The following SUPT5H variants were observed in gnomAD, a reference collection of about 807,000 sequenced individuals.
The protein encoded by SUPT5H is SPT5 homolog, DSIF elongation factor subunit, also known as transcription elongation factor SPT5.
A neutral mutation model predicts 142.5 loss-of-function variants in SUPT5H; 24 were observed. The ratio of observed to expected loss-of-function variants is 0.17; its 90% confidence interval spans 0.12 to 0.24. SUPT5H has a LOEUF of 0.24. SUPT5H is among the 10% of genes least tolerant of loss of function. SUPT5H has a pLI of 1.00. For synonymous variants in SUPT5H, 546 were observed against 553.0 expected (o/e 0.99, Z 0.18); for missense variants, 893 against 1,471.8 (o/e 0.61, Z 6.43).
chr19:39,457,815 G>C (rs763774325), intron 4 of SUPT5H, 75 bp downstream of exon 4: 1 of 1,600,444 alleles, frequency 6.2e-7, no homozygotes, highest in Non-Finnish European at 8.5e-7. Context: ...CCATTCCCCC[G>C]ACCCCCGCAT....
intron 3 of SUPT5H, 66 bp from the exon 4 acceptor site, chr19:39,457,609 G>A (rs2079106731): frequency 6.3e-7 from 1 of 1,581,800 alleles, no homozygotes; most frequent in African/African-American, 1.3e-5. Flanking sequence ...CAGAGGAGAT[G>A]CTTCGTGTCC....
At position 39,473,500 on chromosome 19, in the gene SUPT5H, A is replaced by G; in HGVS notation, c.2471A>G (p.Asn824Ser). The change falls in exon 25 of 30, where the codon AAC (asparagine) becomes AGC (serine). Residue 824 changes from asparagine to serine, a missense_variant. Coordinates refer to ENST00000432763, the MANE Select transcript of SUPT5H (RefSeq NM_001111020.3). The surrounding 1 kb of genome is among the most constrained non-coding windows in gnomAD (Gnocchi z 5.8). ...GCCCAGAGTGGGGCCTGGGACCCCA[A>G]CAACCCCAACACGCCGTCACGGTGA... The part of the protein sequence containing the change: ...TPAQSGAWDP[N>S]NPNTPSRAEE... The G allele has an allele frequency of 6.2e-7, 1 of 1,611,602 alleles. No homozygotes were observed. Among genetic ancestry groups the G allele is most frequent in the Non-Finnish European group, 8.5e-7 (1 of 1,179,932 alleles).
At position 39,458,976 on chromosome 19, in the gene SUPT5H, T is replaced by A; in HGVS notation, c.390-29T>A. Reference sequence around the variant, plus strand: ...CCACCTGCTGTCCTCAACCTTCAATTCGTGTTTGCTTCCCCACTCGTGCTC... The same window carrying A: ...CCACCTGCTGTCCTCAACCTTCAATACGTGTTTGCTTCCCCACTCGTGCTC... On this transcript the variant is annotated intron_variant, in intron 6 of 29. Coordinates refer to ENST00000432763, the MANE Select transcript of SUPT5H (RefSeq NM_001111020.3). This position sits in a 1 kb window ranked among gnomAD's most constrained non-coding sequence, Gnocchi z 4.2. 1 of 1,613,930 alleles carries A rather than the reference T, an allele frequency of 6.2e-7. No homozygotes were observed. The highest frequency in any genetic ancestry group is 8.5e-7 in the Non-Finnish European group (1 of 1,179,964).
At position 39,469,828 on chromosome 19, in the gene SUPT5H, C is replaced by A; in HGVS notation, c.1375-291C>A. On this transcript the variant is annotated intron_variant, in intron 16 of 29. Transcript: ENST00000432763. This position sits in a 1 kb window ranked among gnomAD's most constrained non-coding sequence, Gnocchi z 5.1. ...GGGTGGGGCTGAGGAGCTGTCCAGT[C>A]GGGGGTCCTGTGTCTGAGGGGCAGG... 1 of 474,752 alleles carries A rather than the reference C, an allele frequency of 2.1e-6. No homozygotes were observed. Among genetic ancestry groups the A allele is most frequent in the Non-Finnish European group, 3.8e-6 (1 of 262,076 alleles). The allele number at this position is 474,752 out of a possible 1,614,324, so 29.4% of individuals were successfully genotyped here.
At chr19:39,457,647 C>G in intron 3 of SUPT5H, 28 bp from the exon 4 acceptor site, 2 of 1,610,450 alleles carry the variant, frequency 1.2e-6, no homozygotes, top group East Asian at 4.5e-5. Context: ...TCACCTTTGC[C>G]ACTTACCACT....
chr19:39,461,833 A>T (rs533515406), intron 10 of SUPT5H, among the ~76,000 whole-genome samples: 2 of 150,046 alleles, frequency 1.3e-5, no homozygotes, highest in East Asian at 3.9e-4. Context: ...AAAAAAAAAA[A>T]AAAAAAATAA....
In SUPT5H at chr19:39,476,241, TC is replaced by T. The variant is rs761926697; in HGVS notation, c.3121-9del. 2 of 1,613,460 alleles carry T rather than the reference TC, an allele frequency of 1.2e-6. No individual in the cohort carries two copies. The highest frequency in any genetic ancestry group is 2.7e-5 in the African/African-American group (2 of 74,670). On this transcript the variant is annotated splice_polypyrimidine_tract_variant and intron_variant, in intron 29 of 29. Coordinates refer to ENST00000432763, the MANE Select transcript of SUPT5H (RefSeq NM_001111020.3). ...GTGCTGACATGGACCCTGACCATAT[TC>T]CCCCCACCCCCAGGTGAAAGTGATC... is the stretch of plus-strand genomic sequence containing the variant.
At chr19:39,453,842 G>A (rs1159428369) in intron 3 of SUPT5H, among the ~76,000 whole-genome samples, 1 of 152,232 alleles carries the variant, frequency 6.6e-6, no homozygotes, top group Non-Finnish European at 1.5e-5. Context: ...TGGGATTACA[G>A]GCGTGAAGGA....
At chr19:39,450,189 T>C (rs777185514) in intron 2 of SUPT5H, among the ~76,000 whole-genome samples, 4 of 152,122 alleles carry the variant, frequency 2.6e-5, no homozygotes, top group Non-Finnish European at 4.4e-5. Context: ...TCCTTCTACC[T>C]TGGCCTCCCA....
intron 3 of SUPT5H, among the ~76,000 whole-genome samples, 183 bp from the exon 4 acceptor site, chr19:39,457,492 G>A (rs928370776): frequency 6.6e-6 from 1 of 152,136 alleles, no homozygotes; most frequent in African/African-American, 2.4e-5. Flanking sequence ...TGTCCCCCTC[G>A]ATCCTGATGC....
chr19:39,449,663 T>G (rs1171154488), intron 2 of SUPT5H, among the ~76,000 whole-genome samples: 1 of 151,462 alleles, frequency 6.6e-6, no homozygotes, highest in Non-Finnish European at 1.5e-5. Flanking sequence ...TTTTTTTGTC[T>G]TGGTGTCTTG....
At position 39,458,159 on chromosome 19, in the gene SUPT5H, C is replaced by G; in HGVS notation, c.308-135C>G. The G allele has an allele frequency of 1.2e-4, 157 of 1,365,056 alleles. No individual in the cohort carries two copies. The highest frequency in any genetic ancestry group is 1.5e-4 in the Non-Finnish European group (149 of 1,020,606). 84.6% of individuals were successfully genotyped at this position (1,365,056 alleles called of 1,614,324 possible). On this transcript the variant is annotated intron_variant, in intron 4 of 29. Transcript: ENST00000432763. This position sits in a 1 kb window ranked among gnomAD's most constrained non-coding sequence, Gnocchi z 4.2. ...TTTTGGTTTTCAACCTTTCTGTGTC[C>G]CTCCCTTCCCCTCCCCCAACCCATT...
chr19:39,467,755 G>C (rs982078852), intron 13 of SUPT5H: 2 of 152,140 alleles, frequency 1.3e-5, no homozygotes, highest in Non-Finnish European at 2.9e-5. Context: ...CTTCCCTCTG[G>C]TCCTGTTCTA....
chr19:39,473,540 A>G lies in SUPT5H; in HGVS notation c.2492+19A>G. The stretch of plus-strand genomic sequence containing the variant: ...CGTCACGGTGAGTCCAGGGTTCCCC[A>G]GGTTCTGGTGTGTGCTGGTGTGTGT... On this transcript the variant is annotated intron_variant, in intron 25 of 29. Coordinates refer to ENST00000432763, the MANE Select transcript of SUPT5H (RefSeq NM_001111020.3). The surrounding 1 kb of genome is among the most constrained non-coding windows in gnomAD (Gnocchi z 5.8). The G allele has an allele frequency of 6.2e-7, 1 of 1,603,842 alleles. No individual in the cohort carries two copies. The highest frequency in any genetic ancestry group is 8.5e-7 in the Non-Finnish European group (1 of 1,178,438).
chr19:39,469,536 G>A lies in SUPT5H; in HGVS notation c.1374+138G>A. 6.4e-6 allele frequency: 8 copies of A among 1,245,336 alleles called. No individual in the cohort carries two copies. The highest frequency in any genetic ancestry group is 6.7e-6 in the Non-Finnish European group (6 of 894,230). 77.1% of individuals were successfully genotyped at this position (1,245,336 alleles called of 1,614,324 possible). On this transcript the variant is annotated intron_variant, in intron 16 of 29. Coordinates refer to ENST00000432763, the MANE Select transcript of SUPT5H (RefSeq NM_001111020.3). The surrounding 1 kb of genome is among the most constrained non-coding windows in gnomAD (Gnocchi z 5.1). ...TGAGGCCCTTCTAGCATTCTCAGGT[G>A]CCTGAGAGGCTCTGTCTGAGTGCAG...
chr19:39,466,729 G>C lies in SUPT5H; in HGVS notation c.1021G>C (p.Asp341His). ...KFKRPPQRLF[D>H]AEKIRSLGGD... ...TAAGCGGCCTCCACAGAGGCTGTTT[G>C]ATGCTGAGAAGATCAGGTGCGTGTC... The change falls in exon 13 of 30, where the codon GAT becomes CAT. Residue 341 changes from aspartate to histidine, a missense_variant. Physicochemically the swap from Asp to His is moderately conservative, Grantham distance 81 (BLOSUM62 -1). This residue lies in a region of SUPT5H where 428 missense variants were observed against 763.5 expected (regional missense o/e 0.56). Transcript: ENST00000432763. This position sits in a 1 kb window ranked among gnomAD's most constrained non-coding sequence, Gnocchi z 4.3. 1 of 1,614,150 alleles carries C rather than the reference G, an allele frequency of 6.2e-7. No individual in the cohort carries two copies. Among genetic ancestry groups the C allele is most frequent in the South Asian group, 1.1e-5 (1 of 91,088 alleles).
chr19:39,459,339 C>A, intron 8 of SUPT5H, 90 bp downstream of exon 8: 1 of 1,483,516 alleles, frequency 6.7e-7, no homozygotes, highest in African/African-American at 1.4e-5. Context: ...TGAAATAAGT[C>A]AGGGCAGAGT....
chr19:39,466,810 C>T lies in SUPT5H; in HGVS notation c.1037+65C>T. The T allele has an allele frequency of 2.6e-6, 4 of 1,533,976 alleles. No homozygotes were observed. In the Admixed American group the frequency reaches 5.0e-5, roughly 19 times the overall value. ...GCCGGTGTGTAGAATGTGCCTTTTG[C>T]AGGTTCCTCCCCAGGGGTGGCCCCG... On this transcript the variant is annotated intron_variant, in intron 13 of 29. Transcript: ENST00000432763. The surrounding 1 kb of genome is among the most constrained non-coding windows in gnomAD (Gnocchi z 4.3).
At chr19:39,467,329 G>C (rs2079254693) in intron 13 of SUPT5H, 1 of 152,256 alleles carries the variant, frequency 6.6e-6, no homozygotes, top group Non-Finnish European at 1.5e-5. Flanking sequence ...ATTGCAGTGA[G>C]CCGAGATCGT....
Sources: allele counts gnomAD v4.1 joint callset (sites outside exome capture counted in the v4.1 genomes callset), GRCh38; gene constraint gnomAD v4.1.1; regional missense constraint gnomAD v4.1.1; non-coding constraint Gnocchi (gnomAD v3.1); transcripts MANE v1.5; gene names NCBI Gene and HGNC (gene_info 2026-07-23, HGNC 2026-07-21).